Variants in TG observed in about 807,000 individuals in gnomAD.
TG encodes thyroglobulin.
In TG, 270 loss-of-function variants were observed where a neutral mutation model predicts 324.7. The observed-to-expected ratio is 0.83, with a 90% CI of 0.75 to 0.92. TG has a LOEUF of 0.92. Ranked by LOEUF, TG falls within the 40% of genes least tolerant of loss-of-function variation. The pLI is 0.00. For missense variants in TG, 3,591 were observed against 3,456.4 expected (o/e 1.04, Z -0.98); for synonymous variants, 1,401 against 1,327.0 (o/e 1.06, Z -1.21).
chr8:133,077,117 T>C (rs2739161), intron 41 of TG, among the ~76,000 whole-genome samples: 4,569 of 151,804 alleles, frequency 0.03, 223 homozygotes, highest in African/African-American at 0.097. Context: ...CTGAGAACTG[T>C]AGGAGGAAAG....
intron 26 of TG, among the ~76,000 whole-genome samples, chr8:132,946,496 T>A (rs1224873610): frequency 6.6e-6 from 1 of 152,214 alleles, no homozygotes; most frequent in African/African-American, 2.4e-5. Flanking sequence ...TTTTAACTTA[T>A]GAAGATTTGG....
At chr8:132,999,516 G>T (rs755812894) in intron 35 of TG, among the ~76,000 whole-genome samples, 1 of 152,096 alleles carries the variant, frequency 6.6e-6, no homozygotes, top group African/African-American at 2.4e-5. Flanking sequence ...TGGTTCCCAG[G>T]TGTGGACTAC....
intron 10 of TG, among the ~76,000 whole-genome samples, chr8:132,891,248 G>A (rs1489594769): frequency 6.6e-6 from 1 of 152,134 alleles, no homozygotes; most frequent in South Asian, 2.1e-4. Flanking sequence ...CAATGAAGCT[G>A]TGAGTGAGGT....
intron 22 of TG, among the ~76,000 whole-genome samples, chr8:132,925,512 AGTGCGT>A (rs1821719873): frequency 3.0e-5 from 2 of 67,178 alleles, no homozygotes; most frequent in Non-Finnish European, 6.8e-5. Flanking sequence ...AGTCCTAAGG[AGTGCGT>A]GTGTGTGTGT....
intron 43 of TG, 138 bp from the exon 44 acceptor site, chr8:133,113,284 C>A: frequency 1.1e-6 from 1 of 935,062 alleles, no homozygotes; most frequent in Non-Finnish European, 1.7e-6. Flanking sequence ...CGAACTCAGA[C>A]AGTCTGGCTT....
At chr8:133,104,075 C>T (rs928995982) in intron 43 of TG, among the ~76,000 whole-genome samples, 10 of 152,026 alleles carry the variant, frequency 6.6e-5, no homozygotes, top group East Asian at 1.9e-4. Flanking sequence ...GGGGAGCCAG[C>T]GATGGGGATT....
chr8:132,897,194 G>C (rs773712427), intron 11 of TG, among the ~76,000 whole-genome samples: 2 of 152,212 alleles, frequency 1.3e-5, no homozygotes, highest in Non-Finnish European at 2.9e-5. Flanking sequence ...CCTTGGTTAA[G>C]TTGCTTAATC....
chr8:132,887,100 A>C lies in TG; in HGVS notation c.1728A>C (p.Glu576Asp). 6.2e-7 allele frequency: 1 copy of C among 1,614,194 alleles called. No individual in the cohort carries two copies. Among genetic ancestry groups the C allele is most frequent in the Non-Finnish European group, 8.5e-7 (1 of 1,180,042 alleles). ...KFLASLLELPEFLLFLQHAIS... is the reference protein window; with the variant it reads ...KFLASLLELPDFLLFLQHAIS... Reference sequence around the variant, plus strand: ...TTGCTTCTCTCCTGGAGCTTCCAGAATTCCTTCTCTTCTTGCAACATGCTA... The same window carrying C: ...TTGCTTCTCTCCTGGAGCTTCCAGACTTCCTTCTCTTCTTGCAACATGCTA... Residue 576 changes from glutamate (E) to aspartate (D), a missense_variant, in exon 9 of 48, where the codon GAA becomes GAC. Glu to Asp is a conservative substitution (Grantham distance 45). Coordinates refer to ENST00000220616, the MANE Select transcript of TG (RefSeq NM_003235.5).
chr8:133,073,242 A>G (rs1003142037), intron 41 of TG: 5 of 152,230 alleles, frequency 3.3e-5, no homozygotes, highest in African/African-American at 1.2e-4. Context: ...GCTCTGATCT[A>G]GATTGTAGAT....
chr8:133,115,982 T>C (rs1850649486), intron 44 of TG, among the ~76,000 whole-genome samples: 1 of 152,088 alleles, frequency 6.6e-6, no homozygotes, highest in Admixed American at 6.6e-5. Context: ...TGTAGGATGT[T>C]CAGCAGCATC....
At chr8:132,970,867 A>G (rs1211771231) in intron 32 of TG, among the ~76,000 whole-genome samples, 1 of 152,210 alleles carries the variant, frequency 6.6e-6, no homozygotes, top group African/African-American at 2.4e-5. Flanking sequence ...GCAGAGAACT[A>G]GGAGATGGAA....
chr8:132,888,277 C>A lies in TG; in HGVS notation c.2470C>A (p.Leu824Met), dbSNP rs574349744. 1.1e-5 allele frequency: 17 copies of A among 1,614,194 alleles called. No homozygotes were observed. In the South Asian group the frequency reaches 1.8e-4, roughly 17 times the overall value. ...AAACTTCAGTCTCTTTATTCAAAGTCTGTATGAGGCTGGCCAGCAAGATGT... is the reference window on the plus strand; with the variant it reads ...AAACTTCAGTCTCTTTATTCAAAGTATGTATGAGGCTGGCCAGCAAGATGT... ...SGNFSLFIQS[L>M]YEAGQQDVFP... Residue 824 changes from leucine to methionine, a missense_variant, in exon 10 of 48, where the codon CTG becomes ATG. Physicochemically the swap from Leu to Met is conservative, Grantham distance 15. Coordinates refer to ENST00000220616, the MANE Select transcript of TG (RefSeq NM_003235.5).
chr8:132,897,583 T>A, intron 11 of TG, 66 bp from the exon 12 acceptor site: 2 of 1,607,104 alleles, frequency 1.2e-6, no homozygotes, highest in South Asian at 2.2e-5. Flanking sequence ...TACGTGGTTG[T>A]TCTCAGCTAC....
At chr8:132,987,359 G>A (rs954913106) in intron 35 of TG, among the ~76,000 whole-genome samples, 24 of 144,984 alleles carry the variant, frequency 1.7e-4, no homozygotes, top group Admixed American at 4.9e-4. Flanking sequence ...TTGTGAGGAT[G>A]TGTCTATATG....
At chr8:132,879,535 T>C (rs1814345109) in intron 5 of TG, among the ~76,000 whole-genome samples, 1 of 152,248 alleles carries the variant, frequency 6.6e-6, no homozygotes, top group African/African-American at 2.4e-5. Flanking sequence ...TGAATAGTAA[T>C]TAATAGCAAC....
chr8:133,099,549 A>C (rs921500467), intron 43 of TG, among the ~76,000 whole-genome samples: 1 of 152,136 alleles, frequency 6.6e-6, no homozygotes, highest in African/African-American at 2.4e-5. Flanking sequence ...CCAATGGCCC[A>C]CTTGACATCT....
chr8:133,016,831 T>C (rs555384537), intron 37 of TG, among the ~76,000 whole-genome samples: 312 of 152,246 alleles, frequency 2.0e-3, no homozygotes, highest in Middle Eastern at 0.014. Flanking sequence ...GATCAATCAA[T>C]GAATGAAAGA....
In TG at chr8:132,915,605, C is replaced by T. The variant is rs1286544954; in HGVS notation, c.4378+2340C>T. On this transcript the variant is annotated intron_variant, in intron 20 of 47. Coordinates refer to ENST00000220616, the MANE Select transcript of TG (RefSeq NM_003235.5). ...ACACCTGGGCTGGAACAGGACTCAG[C>T]AAACCTTTCCTGTAAAGGGCCAGAT... is the stretch of plus-strand genomic sequence containing the variant. 2.0e-5 allele frequency among the ~76,000 whole-genome samples: 3 copies of T among 152,196 alleles called. No homozygotes were observed. The East Asian group carries it at 5.8e-4, about 29-fold the overall frequency.
intron 4 of TG, among the ~76,000 whole-genome samples, chr8:132,871,983 C>T (rs1340422086): frequency 6.6e-6 from 1 of 151,956 alleles, no homozygotes; most frequent in African/African-American, 2.4e-5. Context: ...CCCGAGCAGG[C>T]CTAGGCTAAT....
Sources: gnomAD v4.1 joint callset for allele counts (sites outside exome capture counted in the v4.1 genomes callset) on GRCh38, gnomAD v4.1.1 for gene constraint, MANE v1.5 for transcripts, NCBI Gene and HGNC (gene_info 2026-07-23, HGNC 2026-07-21) for gene names.